The following MMP8 variants were observed in gnomAD, a reference collection of about 807,000 sequenced individuals.
MMP8 encodes the protein matrix metallopeptidase 8.
A neutral mutation model predicts 51.2 loss-of-function variants in MMP8; 67 were observed. The ratio of observed to expected loss-of-function variants is 1.31; its 90% CI spans 1.08 to 1.60. The LOEUF is 1.60. Among genes scored for constraint, MMP8 ranks in the 40% most tolerant of loss-of-function variants. The probability of loss-of-function intolerance (pLI) is 0.00; values close to 1 mark genes in which losing one functional copy is unlikely to be tolerated. For synonymous variants in MMP8, 225 were observed against 191.0 expected (o/e 1.18, Z -1.47); for missense variants, 654 against 558.1 (o/e 1.17, Z -1.73).
rs750963178 is a variant in MMP8 at position 102,721,396 on chromosome 11, C to A, written c.622+5G>T. On this transcript the variant is annotated splice_donor_5th_base_variant and intron_variant, in intron 4 of 9. Transcript: ENST00000236826. ...TGTGTGTGGACATAATCTTGATTAA[C>A]TTACTTGCGGAGGTGTTGGTCCATG... 24 of 1,613,138 alleles carry A rather than the reference C, an allele frequency of 1.5e-5. No homozygotes were observed. Among genetic ancestry groups the A allele is most frequent in the Non-Finnish European group, 1.9e-5 (22 of 1,179,542 alleles).
At chr11:102,713,578 T>G (rs1861189620) in intron 9 of MMP8, 121 bp from the exon 10 acceptor site, 2 of 1,051,804 alleles carry the variant, frequency 1.9e-6, no homozygotes, top group South Asian at 3.1e-5. Flanking sequence ...ATTTAAAAAA[T>G]TTAAACACCA....
At position 102,722,491 on chromosome 11, in the gene MMP8, G is replaced by C. The variant is rs1233974219; in HGVS notation, c.285C>G (p.Asp95Glu). 3 of 1,613,934 alleles carry C rather than the reference G, an allele frequency of 1.9e-6. No homozygotes were observed. The highest frequency in any genetic ancestry group is 2.5e-6 in the Non-Finnish European group (3 of 1,179,866). ...MMKKPRCGVP[D>E]SGGFMLTPGN... ...CTGGGGTTAACATAAAACCACCACT[G>C]TCAGGCACTCCACAGCGAGGCTTTT... Residue 95 changes from aspartate to glutamate, a missense_variant, in exon 2 of 10, where the codon GAC (aspartate) becomes GAG (glutamate). By Grantham distance (45) the Asp-to-Glu change is conservative (BLOSUM62 2). Coordinates refer to ENST00000236826, the MANE Select transcript of MMP8 (RefSeq NM_002424.3).
At position 102,716,097 on chromosome 11, in the gene MMP8, A is replaced by T. The variant is rs779718103; in HGVS notation, c.902+205T>A. Among the ~76,000 whole-genome samples, 8 of 152,182 alleles carry T rather than the reference A, an allele frequency of 5.3e-5. 1 individual carries two copies. The highest frequency in any genetic ancestry group is 1.2e-4 in the Non-Finnish European group (8 of 68,048). ...CAGTATAGACACAAAAATGGTACAA[A>T]TAGTCTTTAAAAGACGAAGATGATA... On this transcript the variant is annotated intron_variant, in intron 6 of 9. Coordinates refer to ENST00000236826, the MANE Select transcript of MMP8 (RefSeq NM_002424.3).
Position 102,716,481 on chromosome 11 carries a change from C to T in MMP8, c.785-62G>A, listed in dbSNP as rs1049187691. 3 of 1,038,676 alleles carry T rather than the reference C, an allele frequency of 2.9e-6. No homozygotes were observed. The African/African-American group carries it at 5.0e-5, about 17-fold the overall frequency. The allele number at this position is 1,038,676 out of a possible 1,614,324, so 64.3% of individuals were successfully genotyped here. A position where few individuals can be genotyped will look rare whatever the true frequency, so the allele number is the denominator to read the frequency against. On this transcript the variant is annotated intron_variant, in intron 5 of 9. Coordinates refer to ENST00000236826, the MANE Select transcript of MMP8 (RefSeq NM_002424.3). ...TTATGAGAGTAAGTCCGGTGTGACT[C>T]TTGGGTACATCAGAGACTTCTCAGA...
intron 1 of MMP8, chr11:102,723,655 C>G (rs1861539682): frequency 3.3e-6 from 1 of 303,624 alleles, no homozygotes; most frequent in African/African-American, 2.2e-5. Flanking sequence ...AATTACTAAT[C>G]CAGTTCTGCA....
chr11:102,713,571 TA>T, intron 9 of MMP8, 114 bp from the exon 10 acceptor site: 2 of 1,058,004 alleles, frequency 1.9e-6, no homozygotes, highest in South Asian at 3.1e-5. Context: ...ACATGCTATT[TA>T]AAAAATTTAA....
Position 102,724,724 on chromosome 11 carries a change from C to A in MMP8, c.102+30G>T. 3.3e-6 allele frequency: 5 copies of A among 1,538,426 alleles called. No homozygotes were observed. In the South Asian group the frequency reaches 5.0e-5, roughly 15 times the overall value. On this transcript the variant is annotated intron_variant, in intron 1 of 9. Coordinates refer to ENST00000236826, the MANE Select transcript of MMP8 (RefSeq NM_002424.3). ...CACTATTTCCTAATAATCAGCAAAT[C>A]AAACATCACCTAACTGATAGTTCAT...
At chr11:102,714,484 T>C (rs1861220047) in intron 8 of MMP8, 72 bp downstream of exon 8, 3 of 1,068,804 alleles carry the variant, frequency 2.8e-6, no homozygotes, top group East Asian at 6.2e-5. Context: ...AACCTTGAAA[T>C]GCTTGAAGGT....
At chr11:102,714,292 A>G (rs964456581) in intron 8 of MMP8, among the ~76,000 whole-genome samples, 3 of 152,202 alleles carry the variant, frequency 2.0e-5, no homozygotes, top group African/African-American at 7.2e-5. Context: ...CTTTCTTTGT[A>G]TCTCACCCTA....
chr11:102,723,809 T>A (rs1425184218), intron 1 of MMP8: 3 of 247,554 alleles, frequency 1.2e-5, no homozygotes, highest in African/African-American at 6.8e-5. Context: ...GGACACACTC[T>A]AACCACAGCA....
intron 6 of MMP8, 117 bp downstream of exon 6, chr11:102,716,185 T>C (rs1207028063): frequency 2.8e-6 from 2 of 718,494 alleles, no homozygotes. Context: ...AAAATTCCGA[T>C]GAGAAGCACA....
chr11:102,713,257 A>C lies in MMP8; in HGVS notation c.*91T>G, dbSNP rs1477215724. ...TGGGAAACAATGACTTAATATTGAGAAAAGTATAAGCAGGACACAATGTAA... is the reference window on the plus strand; with the variant it reads ...TGGGAAACAATGACTTAATATTGAGCAAAGTATAAGCAGGACACAATGTAA... On this transcript the variant is annotated 3_prime_UTR_variant, in exon 10 of 10. Coordinates refer to ENST00000236826, the MANE Select transcript of MMP8 (RefSeq NM_002424.3). The C allele has an allele frequency of 1.2e-6, 1 of 827,344 alleles. No homozygotes were observed. Among genetic ancestry groups the C allele is most frequent in the African/African-American group, 1.7e-5 (1 of 58,470 alleles). 51.3% of individuals were successfully genotyped at this position (827,344 alleles called of 1,614,324 possible).
intron 6 of MMP8, among the ~76,000 whole-genome samples, 170 bp downstream of exon 6, chr11:102,716,131 CT>C (rs1224408428): frequency 6.6e-6 from 1 of 151,884 alleles, no homozygotes; most frequent in East Asian, 1.9e-4. Flanking sequence ...TAAAGTTAAG[CT>C]CAGGGGGCTA....
intron 5 of MMP8, among the ~76,000 whole-genome samples, chr11:102,718,039 A>T (rs1032567322): frequency 1.3e-5 from 2 of 152,034 alleles, no homozygotes; most frequent in African/African-American, 4.8e-5. Flanking sequence ...CTTGGGAGGC[A>T]GAGGTTGCAG....
intron 4 of MMP8, among the ~76,000 whole-genome samples, chr11:102,721,188 G>A (rs1043709020): frequency 8.5e-5 from 13 of 152,130 alleles, no homozygotes; most frequent in Non-Finnish European, 1.8e-4. Context: ...AAGAAGTAAG[G>A]TCAGTAATCA....
At position 102,721,370 on chromosome 11, in the gene MMP8, C is replaced by T. The variant is rs193202077; in HGVS notation, c.622+31G>A. On this transcript the variant is annotated intron_variant, in intron 4 of 9. Coordinates refer to ENST00000236826, the MANE Select transcript of MMP8 (RefSeq NM_002424.3). ...AATCTGTAAAAGGTTAATTCAGAAG[C>T]TGTGTGTGGACATAATCTTGATTAA... 208 of 1,611,976 alleles carry T rather than the reference C, an allele frequency of 1.3e-4. No homozygotes were observed. The African/African-American group carries it at 1.8e-3, about 14-fold the overall frequency.
chr11:102,716,353 G>A lies in MMP8; in HGVS notation c.851C>T (p.Thr284Ile). ...ACGGAGTGTGGTGATAGCATCAAAT[G>A]TCAAACTGGGGTCACAGGGTTTGGG... The part of the protein sequence containing the change: ...STPKPCDPSL[T>I]FDAITTLRGE... Residue 284 changes from threonine to isoleucine, a missense_variant, in exon 6 of 10, where the codon ACA becomes ATA. By Grantham distance (89) the Thr-to-Ile change is moderately conservative. Transcript: ENST00000236826. 3.2e-6 allele frequency: 5 copies of A among 1,553,632 alleles called. No homozygotes were observed. Among genetic ancestry groups the A allele is most frequent in the Non-Finnish European group, 4.4e-6 (5 of 1,144,670 alleles).
intron 1 of MMP8, 46 bp downstream of exon 1, chr11:102,724,708 C>T (rs767790576): frequency 2.7e-6 from 4 of 1,497,580 alleles, no homozygotes; most frequent in East Asian, 2.3e-5. Flanking sequence ...ACACTATTTC[C>T]TAATAATCAG....
At chr11:102,717,232 GT>G (rs1308951543) in intron 5 of MMP8, among the ~76,000 whole-genome samples, 1 of 152,032 alleles carries the variant, frequency 6.6e-6, no homozygotes, top group Non-Finnish European at 1.5e-5. Context: ...TTGGTTTCTT[GT>G]TTTTATTCAC....
Sources: gnomAD v4.1 joint callset for allele counts (sites outside exome capture counted in the v4.1 genomes callset) on GRCh38, gnomAD v4.1.1 for gene constraint, MANE v1.5 for transcripts, NCBI Gene and HGNC (gene_info 2026-07-23, HGNC 2026-07-21) for gene names.